TNR: variants seen among roughly 807,000 people sequenced by gnomAD.
The protein encoded by TNR is tenascin R.
A neutral mutation model predicts 150.4 loss-of-function variants in TNR; 45 were observed. The ratio of observed to expected loss-of-function variants is 0.30; its 90% CI spans 0.24 to 0.38. TNR has a LOEUF of 0.38. Ranked by LOEUF, TNR falls within the 10% of genes least tolerant of loss-of-function variation. The pLI is 1.00. For synonymous variants in TNR, 687 were observed against 678.4 expected, an observed-to-expected ratio of 1.01 and a Z score of -0.20; for missense variants, 1,544 against 1,759.1, an observed-to-expected ratio of 0.88 and a Z score of 2.19.
At chr1:175,506,637 G>C (rs1658968849) in intron 2 of TNR, among the ~76,000 whole-genome samples, 1 of 152,222 alleles carries the variant, frequency 6.6e-6, no homozygotes, top group Non-Finnish European at 1.5e-5. Context: ...AGAGGCCTCA[G>C]AGGAAACGCA....
At chr1:175,552,346 C>T (rs1043345151) in intron 1 of TNR, among the ~76,000 whole-genome samples, 1 of 152,188 alleles carries the variant, frequency 6.6e-6, no homozygotes, top group African/African-American at 2.4e-5. Context: ...TCTGCTAACC[C>T]CCACAATGCT....
intron 20 of TNR, 36 bp from the exon 21 acceptor site, chr1:175,330,271 C>T (rs1213602167): frequency 3.4e-6 from 5 of 1,461,796 alleles, no homozygotes; most frequent in Non-Finnish European, 4.6e-6. Context: ...TGAGACTGGC[C>T]CCCAGCAGCT....
At chr1:175,558,502 T>C (rs1269186721) in intron 1 of TNR, among the ~76,000 whole-genome samples, 4 of 152,072 alleles carry the variant, frequency 2.6e-5, no homozygotes, top group Non-Finnish European at 5.9e-5. Flanking sequence ...CCAAAATGAG[T>C]GCATTAAACA....
chr1:175,551,343 C>T (rs1373244423), intron 1 of TNR, among the ~76,000 whole-genome samples: 1 of 152,146 alleles, frequency 6.6e-6, no homozygotes, highest in East Asian at 1.9e-4. Context: ...ATATTAAGCC[C>T]TCAGTCTCAA....
chr1:175,611,979 C>T (rs1206356434), intron 1 of TNR, among the ~76,000 whole-genome samples: 1 of 152,104 alleles, frequency 6.6e-6, no homozygotes. Context: ...TAATCAAATA[C>T]TCAATCTCCT....
At chr1:175,729,830 T>C (rs897550805) in intron 1 of TNR, among the ~76,000 whole-genome samples, 1 of 152,204 alleles carries the variant, frequency 6.6e-6, no homozygotes, top group Non-Finnish European at 1.5e-5. Flanking sequence ...ATCTGGCAGC[T>C]ATGTGGGTCC....
intron 1 of TNR, among the ~76,000 whole-genome samples, chr1:175,532,860 G>A (rs1216007597): frequency 6.6e-6 from 1 of 152,154 alleles, no homozygotes; most frequent in Non-Finnish European, 1.5e-5. Context: ...TTGGTGGCTA[G>A]CTTCCCCGAG....
chr1:175,459,495 C>G (rs562281155), intron 2 of TNR, among the ~76,000 whole-genome samples: 22 of 152,312 alleles, frequency 1.4e-4, no homozygotes, highest in Non-Finnish European at 3.2e-4. Context: ...GGTCTTGACT[C>G]TAAACAAACC....
chr1:175,372,821 C>T (rs1303883491), intron 9 of TNR, among the ~76,000 whole-genome samples: 1 of 152,082 alleles, frequency 6.6e-6, no homozygotes, highest in African/African-American at 2.4e-5. Flanking sequence ...GATCATCTCC[C>T]AAGTGTCTGT....
chr1:175,476,874 T>A (rs2102123927), intron 2 of TNR, among the ~76,000 whole-genome samples: 1 of 152,302 alleles, frequency 6.6e-6, no homozygotes, highest in Middle Eastern at 3.4e-3. Flanking sequence ...TATTGGTCTT[T>A]AGAGACCCGT....
chr1:175,487,488 G>A (rs765903227), intron 2 of TNR, among the ~76,000 whole-genome samples: 7 of 152,194 alleles, frequency 4.6e-5, no homozygotes, highest in Non-Finnish European at 8.8e-5. Flanking sequence ...TCTGGAAACT[G>A]CTTTCTCCCT....
rs527251541 is a variant in TNR at position 175,581,102 on chromosome 1, A to T, written c.-164-52733T>A. ...TTGAACTGACAGCTGGCTTTTAAAT[A>T]TCCACAGAACTTTCTGCATGGTGTT... On this transcript the variant is annotated intron_variant, in intron 1 of 22. Coordinates refer to ENST00000367674, the MANE Select transcript of TNR (RefSeq NM_003285.3). Among the ~76,000 whole-genome samples, 3 of 152,322 alleles carry T rather than the reference A, an allele frequency of 2.0e-5. No homozygotes were observed. In the East Asian group the frequency reaches 5.8e-4, roughly 29 times the overall value.
chr1:175,650,794 C>CACCA (rs1226419866), intron 1 of TNR, among the ~76,000 whole-genome samples: 1 of 17,148 alleles, frequency 5.8e-5, no homozygotes, highest in South Asian at 1.9e-3. Flanking sequence ...TCCTCCTCCC[C>CACCA]CATCTCATTA....
chr1:175,423,753 TG>T (rs1654853126), intron 2 of TNR, among the ~76,000 whole-genome samples: 1 of 152,052 alleles, frequency 6.6e-6, no homozygotes, highest in Non-Finnish European at 1.5e-5. Flanking sequence ...GGCTGGAGCA[TG>T]GGGCTGCGGA....
chr1:175,490,878 C>G (rs1211851886), intron 2 of TNR, among the ~76,000 whole-genome samples: 1 of 152,106 alleles, frequency 6.6e-6, no homozygotes, highest in Admixed American at 6.6e-5. Flanking sequence ...GGTATATACC[C>G]AAAAAGATAT....
rs1163940101 is a variant in TNR, at chr1:175,406,493, G to A, written c.222C>T (p.Pro74=). 2 of 1,614,038 alleles carry A rather than the reference G, an allele frequency of 1.2e-6. No individual in the cohort carries two copies. The highest frequency in any genetic ancestry group is 2.7e-5 in the African/African-American group (2 of 74,896). ...GCCCTGAGGAGCAGAGGTTGTCCAA[G>A]GGCACGTTAATGTTGTACACGTGGT... is the stretch of plus-strand genomic sequence containing the variant. The part of the protein sequence containing the change: ...VFNHVYNINV[P]LDNLCSSGLE... The change falls in exon 3 of 23, where the codon CCC becomes CCT. Residue 74 remains proline, a synonymous_variant. Coordinates refer to ENST00000367674, the MANE Select transcript of TNR (RefSeq NM_003285.3).
chr1:175,459,367 A>T (rs867138153), intron 2 of TNR, among the ~76,000 whole-genome samples: 8 of 152,156 alleles, frequency 5.3e-5, no homozygotes, highest in African/African-American at 1.9e-4. Flanking sequence ...CACCAGGCAA[A>T]ACTCCTAACC....
intron 2 of TNR, among the ~76,000 whole-genome samples, chr1:175,505,182 C>A (rs1322689492): frequency 6.6e-6 from 1 of 152,238 alleles, no homozygotes; most frequent in Non-Finnish European, 1.5e-5. Context: ...CCTCTCCCTC[C>A]CGCGTGTTTT....
At chr1:175,362,394 A>T (rs367813938) in intron 14 of TNR, among the ~76,000 whole-genome samples, 1 of 152,286 alleles carries the variant, frequency 6.6e-6, no homozygotes, top group African/African-American at 2.4e-5. Flanking sequence ...CTTCCATTAT[A>T]TGTCTGAAAG....
Sources: allele counts gnomAD v4.1 joint callset (sites outside exome capture counted in the v4.1 genomes callset), GRCh38; gene constraint gnomAD v4.1.1; transcripts MANE v1.5; gene names NCBI Gene and HGNC (gene_info 2026-07-23, HGNC 2026-07-21).